The following TMIGD3 variants were observed in gnomAD, a reference collection of about 807,000 sequenced individuals.
TMIGD3 encodes the protein transmembrane and immunoglobulin domain containing 3.
In TMIGD3, 21 loss-of-function variants were observed where a neutral mutation model predicts 28.1. The observed-to-expected ratio is 0.75, with a 90% confidence interval of 0.53 to 1.08. TMIGD3 has a LOEUF of 1.08. Ranked by LOEUF, TMIGD3 falls within the 50% of genes least tolerant of loss-of-function variation. TMIGD3 has a pLI of 0.00. For missense variants in TMIGD3, 416 were observed against 435.6 expected (o/e 0.96, Z 0.40); for synonymous variants, 151 against 162.1 (o/e 0.93, Z 0.52).
chr1:111,538,145 G>A (rs1376219566), intron 1 of TMIGD3, among the ~76,000 whole-genome samples: 1 of 152,146 alleles, frequency 6.6e-6, no homozygotes, highest in African/African-American at 2.4e-5. Context: ...CCTATGATGT[G>A]CAGAAAACCA....
chr1:111,531,181 G>C (rs1033668049), intron 1 of TMIGD3, among the ~76,000 whole-genome samples: 1 of 152,100 alleles, frequency 6.6e-6, no homozygotes, highest in Non-Finnish European at 1.5e-5. Context: ...TGGAGGCTGA[G>C]GTGGGAGGAT....
rs1289041685 is a variant in TMIGD3, at chr1:111,502,995, C to T, written c.350+10G>A. On this transcript the variant is annotated intron_variant, in intron 1 of 5. Coordinates refer to ENST00000369716, the MANE Select transcript of TMIGD3 (RefSeq NM_020683.7). The stretch of plus-strand genomic sequence containing the variant: ...GCCTCAATTGCTGCCCACCCCACGC[C>T]GCAGGCTACCTGACGGTAAGCTTGA... 7.4e-6 allele frequency: 12 copies of T among 1,611,372 alleles called. No homozygotes were observed. The highest frequency in any genetic ancestry group is 1.7e-5 in the Admixed American group (1 of 59,978).
At chr1:111,531,056 T>C (rs899575634) in intron 1 of TMIGD3, among the ~76,000 whole-genome samples, 1 of 152,242 alleles carries the variant, frequency 6.6e-6, no homozygotes, top group East Asian at 1.9e-4. Context: ...GGCAGATAGG[T>C]TGCTTGAGCT....
intron 1 of TMIGD3, chr1:111,500,875 C>A (rs1655140142): frequency 2.2e-6 from 1 of 454,786 alleles, no homozygotes; most frequent in Non-Finnish European, 3.9e-6. Context: ...CCACTCAGGG[C>A]TCCACTTACT....
chr1:111,503,716 C>T (rs898255011), upstream of TMIGD3: 1 of 1,047,250 alleles, frequency 9.5e-7, no homozygotes, highest in African/African-American at 1.7e-5. Context: ...TTTTTGAGTT[C>T]CATCAAGATA....
rs531194430 is a variant in TMIGD3 at position 111,520,353 on chromosome 1, T to C, written c.108-29591A>G. On this transcript the variant is annotated intron_variant, in intron 1 of 5. Transcript: ENST00000369717. ...CATGTGTTCCTCCTGACTAGAGTCA[T>C]CACAGAAAAGTTTTTATTACAAGAT... 2.0e-5 allele frequency among the ~76,000 whole-genome samples: 3 copies of C among 152,310 alleles called. No individual in the cohort carries two copies. The Middle Eastern group carries it at 0.01, about 518-fold the overall frequency.
In TMIGD3 at chr1:111,542,054, T is replaced by C. The variant is rs115254966; in HGVS notation, c.107+21792A>G. 1.0e-2 allele frequency among the ~76,000 whole-genome samples: 1,515 copies of C among 151,598 alleles called. 25 individuals carry two copies. The highest frequency in any genetic ancestry group is 0.034 in the African/African-American group (1,420 of 41,320). ...TTTCTTTAAAGAGGAATACCTCTCT[T>C]AACAGCTTAACTCAGGGTGGTGCAA... On this transcript the variant is annotated intron_variant, in intron 1 of 5. Coordinates refer to the TMIGD3 transcript ENST00000369717.
In TMIGD3 at chr1:111,485,431, C is replaced by T. The variant is rs535086456; in HGVS notation, c.973+309G>A. ...GAAGCTCATTCCTTCGACAGGAGCC[C>T]GAAGTTTGTGTGCTGGGGAGGTAGG... On this transcript the variant is annotated intron_variant, in intron 5 of 5. Transcript: ENST00000369716. 2.8e-5 allele frequency: 8 copies of T among 290,286 alleles called. No individual in the cohort carries two copies. The South Asian group carries it at 3.5e-4, about 13-fold the overall frequency. The allele number at this position is 290,286 out of a possible 1,614,324, so 18.0% of individuals were successfully genotyped here.
intron 1 of TMIGD3, among the ~76,000 whole-genome samples, chr1:111,531,073 C>T (rs1430375928): frequency 1.3e-5 from 2 of 152,166 alleles, no homozygotes; most frequent in Non-Finnish European, 2.9e-5. Context: ...AGCTCAGGAG[C>T]TCGAGACCAG....
intron 1 of TMIGD3, among the ~76,000 whole-genome samples, chr1:111,544,505 G>T (rs2101028063): frequency 6.6e-6 from 1 of 152,172 alleles, no homozygotes; most frequent in Non-Finnish European, 1.5e-5. Flanking sequence ...TGTTTTGAAG[G>T]TTCATCCATG....
upstream of TMIGD3, among the ~76,000 whole-genome samples, chr1:111,506,279 A>G (rs1254071988): frequency 6.6e-6 from 1 of 152,250 alleles, no homozygotes; most frequent in Non-Finnish European, 1.5e-5. Flanking sequence ...TGATGAATGA[A>G]TAGGAAAGCA....
At chr1:111,555,522 G>C (rs1657454475) in intron 1 of TMIGD3, among the ~76,000 whole-genome samples, 1 of 151,854 alleles carries the variant, frequency 6.6e-6, no homozygotes, top group South Asian at 2.1e-4. Flanking sequence ...TTGAAGAATA[G>C]CTGAAGAAAT....
Position 111,488,770 on chromosome 1 carries a change from G to T in TMIGD3, c.712C>A (p.Gln238Lys). 6.2e-7 allele frequency: 1 copy of T among 1,614,184 alleles called. No individual in the cohort carries two copies. The highest frequency in any genetic ancestry group is 8.5e-7 in the Non-Finnish European group (1 of 1,180,034). The change falls in exon 3 of 6, where the codon CAG becomes AAG. Residue 238 changes from glutamine (Q) to lysine (K), a missense_variant. Gln to Lys is a moderately conservative substitution (Grantham distance 53). Transcript: ENST00000369716. Reference protein sequence around the residue: ...EDTGWYWCGIQRDFARDDMDF... With the variant: ...EDTGWYWCGIKRDFARDDMDF... ...ATGTCATCCCTGGCAAAGTCCCGCT[G>T]GATGCCACACCAGTACCAGCCCGTG...
In TMIGD3 at chr1:111,483,397, T is replaced by C. The variant is rs763319835; in HGVS notation, c.*290A>G. ...TATTGGCTAACAAAATACAAGTGAT[T>C]TCCTGGTCCCCAATCCAGATTCTCC... On this transcript the variant is annotated 3_prime_UTR_variant, in exon 6 of 6. Transcript: ENST00000369716. 8 of 361,842 alleles carry C rather than the reference T, an allele frequency of 2.2e-5. No individual in the cohort carries two copies. The highest frequency in any genetic ancestry group is 4.1e-5 in the Non-Finnish European group (8 of 196,228). 22.4% of individuals were successfully genotyped at this position (361,842 alleles called of 1,614,324 possible). A position where few individuals can be genotyped will look rare whatever the true frequency, so the allele number is the denominator to read the frequency against.
At chr1:111,532,569 C>T (rs979097255) in intron 1 of TMIGD3, among the ~76,000 whole-genome samples, 5 of 152,118 alleles carry the variant, frequency 3.3e-5, no homozygotes, top group Non-Finnish European at 5.9e-5. Flanking sequence ...ACAGGAGAAT[C>T]GCTTGAGGCC....
chr1:111,522,629 C>T (rs1305244626), intron 1 of TMIGD3, among the ~76,000 whole-genome samples: 1 of 151,688 alleles, frequency 6.6e-6, no homozygotes, highest in Non-Finnish European at 1.5e-5. Context: ...CAGTTCTCCT[C>T]CCTCAGCCTC....
upstream of TMIGD3, among the ~76,000 whole-genome samples, chr1:111,506,913 T>TTATA (rs3084253): frequency 5.5e-4 from 67 of 121,866 alleles, 1 homozygote; most frequent in East Asian, 1.0e-3. Context: ...TATATATATA[T>TTATA]TATATATATA....
intron 1 of TMIGD3, among the ~76,000 whole-genome samples, chr1:111,556,042 C>T (rs1447293535): frequency 1.3e-5 from 2 of 152,104 alleles, no homozygotes; most frequent in African/African-American, 4.8e-5. Context: ...ATATAAAACG[C>T]ACAAGAAACT....
chr1:111,488,668 G>T lies in TMIGD3; in HGVS notation c.805+9C>A, dbSNP rs1261351308. ...TTACATCCAGCCAGACCCCAGGCAG[G>T]CTCCTTACCTTTCCCAGACCAAAAG... On this transcript the variant is annotated intron_variant, in intron 3 of 5. Coordinates refer to ENST00000369716, the MANE Select transcript of TMIGD3 (RefSeq NM_020683.7). The T allele has an allele frequency of 6.2e-7, 1 of 1,608,768 alleles. No individual in the cohort carries two copies. The highest frequency in any genetic ancestry group is 8.5e-7 in the Non-Finnish European group (1 of 1,175,916).
Sources: allele counts gnomAD v4.1 joint callset (sites outside exome capture counted in the v4.1 genomes callset), GRCh38; gene constraint gnomAD v4.1.1; transcripts MANE v1.5; gene names NCBI Gene and HGNC (gene_info 2026-07-23, HGNC 2026-07-21).